CCDC171: variants seen among roughly 807,000 people sequenced by gnomAD.
The protein encoded by CCDC171 is coiled-coil domain-containing protein 171.
Under a neutral mutation model 168.2 loss-of-function variants are expected in CCDC171, and 177 were observed. The ratio of observed to expected loss-of-function variants is 1.05; its 90% confidence interval spans 0.93 to 1.19. CCDC171 has a LOEUF of 1.19. Among genes scored for constraint, CCDC171 ranks in the 50% most tolerant of loss-of-function variants. The probability of loss-of-function intolerance (pLI) is 0.00; values close to 1 mark genes in which losing one functional copy is unlikely to be tolerated. For synonymous variants in CCDC171, 687 were observed against 540.8 expected (o/e 1.27, Z -3.75); for missense variants, 1,991 against 1,539.0 (o/e 1.29, Z -4.91).
chr9:16,101,659 C>G, the CCDC171 span, among the ~76,000 whole-genome samples: 1 of 152,212 alleles, frequency 6.6e-6, no homozygotes, highest in Non-Finnish European at 1.5e-5. Flanking sequence ...GAAGTCAGGC[C>G]TTTGAAGCAG....
chr9:16,027,582 T>G (rs375346296), intron 6 of CCDC171, among the ~76,000 whole-genome samples: 92 of 152,342 alleles, frequency 6.0e-4, no homozygotes, highest in African/African-American at 1.9e-3. Flanking sequence ...CGCTTGTGTA[T>G]GAAGTCAGGT....
At chr9:15,978,091 C>G (rs146224262), downstream of CCDC171, among the ~76,000 whole-genome samples, 1 of 152,252 alleles carries the variant, frequency 6.6e-6, no homozygotes, top group East Asian at 1.9e-4. Context: ...GGAACGTAGA[C>G]ACTCCCTGCA....
chr9:15,905,523 G>A (rs1054113697), intron 24 of CCDC171, among the ~76,000 whole-genome samples: 21 of 152,086 alleles, frequency 1.4e-4, no homozygotes, highest in African/African-American at 5.1e-4. Flanking sequence ...ATTCAAAGCA[G>A]TGTGTAGAGG....
intron 21 of CCDC171, among the ~76,000 whole-genome samples, chr9:15,827,717 CT>C (rs537542284): frequency 6.8e-4 from 103 of 152,118 alleles, no homozygotes; most frequent in African/African-American, 2.4e-3. Context: ...ATTCAGCTAG[CT>C]TGTGAGGGTG....
chr9:15,762,527 A>T (rs1377291671), intron 18 of CCDC171, among the ~76,000 whole-genome samples: 1 of 152,202 alleles, frequency 6.6e-6, no homozygotes. Context: ...GAAAAAATAC[A>T]AATGTTCCTT....
At chr9:15,637,216 A>G (rs2046266913) in intron 7 of CCDC171, among the ~76,000 whole-genome samples, 1 of 152,108 alleles carries the variant, frequency 6.6e-6, no homozygotes, top group Admixed American at 6.5e-5. Flanking sequence ...AGATTGTGCC[A>G]CTGCACTCCA....
Position 15,911,898 on chromosome 9 carries a change from T to C in CCDC171, c.3601-8372T>C, listed in dbSNP as rs552285473. 3.3e-5 allele frequency among the ~76,000 whole-genome samples: 5 copies of C among 152,342 alleles called. No homozygotes were observed. In the South Asian group the frequency reaches 1.0e-3, roughly 32 times the overall value. ...TTTCTGAGGCCTCTGTTCTGTTGCA[T>C]TGGTCTACATACCTGTTTTGGTACC... On this transcript the variant is annotated intron_variant, in intron 24 of 25. Coordinates refer to ENST00000380701, the MANE Select transcript of CCDC171 (RefSeq NM_173550.4).
chr9:15,655,663 CA>C (rs2047873823), intron 7 of CCDC171, among the ~76,000 whole-genome samples: 1 of 152,130 alleles, frequency 6.6e-6, no homozygotes, highest in Non-Finnish European at 1.5e-5. Flanking sequence ...ATGTATCTAA[CA>C]AAGGACTTGT....
chr9:15,621,208 C>T (rs1587472473), intron 6 of CCDC171, among the ~76,000 whole-genome samples: 2 of 152,308 alleles, frequency 1.3e-5, no homozygotes, highest in Non-Finnish European at 2.9e-5. Flanking sequence ...CTCAAGTGAT[C>T]CATCTGCCTT....
intron 23 of CCDC171, among the ~76,000 whole-genome samples, chr9:15,856,834 A>G (rs551668410): frequency 2.6e-5 from 4 of 151,958 alleles, no homozygotes; most frequent in African/African-American, 7.3e-5. Context: ...TGTTGTGTAC[A>G]TGGGTTCCAG....
chr9:15,857,664 C>G (rs553075847), intron 23 of CCDC171, among the ~76,000 whole-genome samples: 4 of 151,968 alleles, frequency 2.6e-5, no homozygotes, highest in African/African-American at 9.6e-5. Context: ...CTCAAGTTAT[C>G]CACCCCACCT....
At chr9:15,907,406 G>T (rs1443433752) in intron 24 of CCDC171, among the ~76,000 whole-genome samples, 2 of 152,198 alleles carry the variant, frequency 1.3e-5, no homozygotes, top group Non-Finnish European at 2.9e-5. Flanking sequence ...AAGAAATGGG[G>T]AAACGATTCC....
chr9:15,696,503 G>A (rs6474949), intron 11 of CCDC171, among the ~76,000 whole-genome samples: 141,976 of 152,282 alleles, frequency 0.93, 66,322 homozygotes, highest in East Asian at 1. Context: ...AAAAGTAGGT[G>A]CAGGTATCCA....
At chr9:15,934,281 A>T (rs373682963) in intron 25 of CCDC171, among the ~76,000 whole-genome samples, 1 of 151,028 alleles carries the variant, frequency 6.6e-6, no homozygotes, top group Non-Finnish European at 1.5e-5. Flanking sequence ...TCCTGACTAC[A>T]TGAGAGGCCA....
chr9:15,622,740 A>G (rs2044602988), intron 6 of CCDC171, among the ~76,000 whole-genome samples: 2 of 152,202 alleles, frequency 1.3e-5, no homozygotes, highest in Non-Finnish European at 2.9e-5. Flanking sequence ...TTCAATAGCT[A>G]AGCAAAGATT....
intron 18 of CCDC171, among the ~76,000 whole-genome samples, chr9:15,771,415 T>C (rs182439202): frequency 1.6e-4 from 25 of 152,320 alleles, no homozygotes; most frequent in Middle Eastern, 3.4e-3. Context: ...TTATTACTTA[T>C]TTGTATTCTT....
chr9:15,948,529 G>A (rs1231174181), intron 25 of CCDC171, among the ~76,000 whole-genome samples: 1 of 151,754 alleles, frequency 6.6e-6, no homozygotes, highest in Non-Finnish European at 1.5e-5. Flanking sequence ...TAACTGGTGT[G>A]AGATGATATC....
At chr9:15,596,818 T>C (rs1330954156) in intron 6 of CCDC171, among the ~76,000 whole-genome samples, 4 of 152,130 alleles carry the variant, frequency 2.6e-5, no homozygotes, top group Middle Eastern at 3.4e-3. Context: ...TCTTTTATTT[T>C]GTTGAGCAGT....
At chr9:15,852,614 T>C (rs2061177759) in intron 23 of CCDC171, among the ~76,000 whole-genome samples, 1 of 151,756 alleles carries the variant, frequency 6.6e-6, no homozygotes, top group African/African-American at 2.4e-5. Flanking sequence ...TTCTTGCTGC[T>C]GCTTATGTGT....
Sources: gnomAD v4.1 joint callset for allele counts (sites outside exome capture counted in the v4.1 genomes callset) on GRCh38, gnomAD v4.1.1 for gene constraint, MANE v1.5 for transcripts, NCBI Gene and HGNC (gene_info 2026-07-23, HGNC 2026-07-21) for gene names.